R3HDM1: variants seen among roughly 807,000 people sequenced by gnomAD.
R3HDM1 encodes the protein R3H domain containing 1.
In R3HDM1, 46 loss-of-function variants were observed where a neutral mutation model predicts 141.1. The observed-to-expected ratio is 0.33, with a 90% CI of 0.26 to 0.42. R3HDM1 has a LOEUF of 0.42. Ranked by LOEUF, R3HDM1 falls within the 10% of genes least tolerant of loss-of-function variation. R3HDM1 has a pLI of 1.00. For missense variants in R3HDM1, 1,184 were observed against 1,368.3 expected (o/e 0.87, Z 2.12); for synonymous variants, 435 against 472.9 (o/e 0.92, Z 1.04).
intron 21 of R3HDM1, among the ~76,000 whole-genome samples, chr2:135,684,748 GT>G (rs1220893669): frequency 3.4e-5 from 5 of 147,282 alleles, no homozygotes; most frequent in Admixed American, 2.0e-4. Context: ...ATTCTCTTGC[GT>G]TTTTTTTTTC....
intron 1 of R3HDM1, among the ~76,000 whole-genome samples, chr2:135,572,168 G>A (rs113500273): frequency 0.023 from 3,487 of 152,196 alleles, 151 homozygotes; most frequent in African/African-American, 0.08. Context: ...GTGTTAGCCA[G>A]GCTGGTCTTA....
chr2:135,685,963 A>C (rs2071259638), intron 21 of R3HDM1, among the ~76,000 whole-genome samples: 1 of 152,226 alleles, frequency 6.6e-6, no homozygotes, highest in Non-Finnish European at 1.5e-5. Context: ...TCTGATATCC[A>C]AAATATTAAG....
chr2:135,706,775 C>T (rs561818599), intron 21 of R3HDM1, among the ~76,000 whole-genome samples: 2 of 152,330 alleles, frequency 1.3e-5, no homozygotes, highest in African/African-American at 2.4e-5. Context: ...CCATGTCTAC[C>T]TCTTTCTACA....
At chr2:135,663,874 C>G (rs2067096987) in intron 19 of R3HDM1, among the ~76,000 whole-genome samples, 1 of 151,684 alleles carries the variant, frequency 6.6e-6, no homozygotes, top group Non-Finnish European at 1.5e-5. Context: ...TTTAAAAATA[C>G]ACAAAAAAAA....
At chr2:135,659,685 G>A (rs555857043) in intron 18 of R3HDM1, among the ~76,000 whole-genome samples, 45 of 152,192 alleles carry the variant, frequency 3.0e-4, no homozygotes, top group African/African-American at 9.9e-4. Flanking sequence ...CGATCCTCCC[G>A]CCTCAGCCTC....
At chr2:135,554,866 C>T (rs1047280076) in intron 1 of R3HDM1, among the ~76,000 whole-genome samples, 2 of 152,156 alleles carry the variant, frequency 1.3e-5, no homozygotes, top group Non-Finnish European at 2.9e-5. Context: ...GTTGTTTAAG[C>T]TACCCAGTTT....
chr2:135,694,482 A>G (rs925416676), intron 21 of R3HDM1, among the ~76,000 whole-genome samples: 1 of 152,194 alleles, frequency 6.6e-6, no homozygotes, highest in South Asian at 2.1e-4. Flanking sequence ...ATGGAGTAAT[A>G]TAGACTGGAT....
In R3HDM1 at chr2:135,645,530, G is replaced by A; in HGVS notation, c.1623+3G>A. On this transcript the variant is annotated splice_donor_region_variant and intron_variant, in intron 16 of 26. Transcript: ENST00000683871. ...CAGCTAATCACATTTTCTCACAGGT[G>A]CACATATCCATGATTACATAATGCT... 1 of 1,613,248 alleles carries A rather than the reference G, an allele frequency of 6.2e-7. No individual in the cohort carries two copies. Among genetic ancestry groups the A allele is most frequent in the Non-Finnish European group, 8.5e-7 (1 of 1,179,650 alleles).
In R3HDM1 at chr2:135,578,974, A is replaced by G. The variant is rs77380562; in HGVS notation, c.-249-23526A>G. Among the ~76,000 whole-genome samples, 451 of 152,340 alleles carry G rather than the reference A, an allele frequency of 3.0e-3. 3 individuals are homozygous for G. The highest frequency in any genetic ancestry group is 0.01 in the African/African-American group (419 of 41,558). On this transcript the variant is annotated intron_variant, in intron 1 of 26. Transcript: ENST00000683871. Reference sequence around the variant, plus strand: ...ATATGATGTATGAATACAAAAATACATAATACAGATGTGTGAATATGTGTA... The same window carrying G: ...ATATGATGTATGAATACAAAAATACGTAATACAGATGTGTGAATATGTGTA...
intron 1 of R3HDM1, among the ~76,000 whole-genome samples, chr2:135,601,199 A>G (rs1003171118): frequency 6.6e-6 from 1 of 152,172 alleles, no homozygotes; most frequent in Admixed American, 6.5e-5. Context: ...GTGGAACTTA[A>G]TCATTTGATG....
intron 22 of R3HDM1, 101 bp from the exon 23 acceptor site, chr2:135,709,958 T>C (rs1400980086): frequency 8.0e-7 from 1 of 1,253,962 alleles, no homozygotes; most frequent in Admixed American, 2.4e-5. Context: ...TAGTAAAATT[T>C]TATTCAGAAA....
intron 5 of R3HDM1, chr2:135,620,585 G>GT: frequency 6.1e-6 from 6 of 981,962 alleles, no homozygotes; most frequent in Non-Finnish European, 6.0e-6. Context: ...TCCTATTGGG[G>GT]TAAAAAGTCT....
intron 21 of R3HDM1, among the ~76,000 whole-genome samples, chr2:135,705,763 T>C (rs1003343182): frequency 2.6e-5 from 4 of 152,166 alleles, no homozygotes; most frequent in Admixed American, 2.6e-4. Flanking sequence ...GAATAACTAA[T>C]TAACTGGAGA....
At chr2:135,641,030 G>A (rs1365187195) in intron 14 of R3HDM1, among the ~76,000 whole-genome samples, 2 of 152,138 alleles carry the variant, frequency 1.3e-5, no homozygotes, top group Admixed American at 1.3e-4. Context: ...TGAGAAATTA[G>A]ATTCTGCAAT....
intron 1 of R3HDM1, among the ~76,000 whole-genome samples, chr2:135,588,641 T>C (rs973627708): frequency 6.6e-6 from 1 of 152,140 alleles, no homozygotes; most frequent in Non-Finnish European, 1.5e-5. Flanking sequence ...ATTGAAGTCA[T>C]TATTTAAAAA....
intron 18 of R3HDM1, among the ~76,000 whole-genome samples, chr2:135,655,696 C>T (rs886799294): frequency 1.3e-5 from 2 of 151,766 alleles, no homozygotes; most frequent in Non-Finnish European, 1.5e-5. Flanking sequence ...TTAGTAGAGA[C>T]GGGGTTTCAC....
chr2:135,580,538 T>A (rs544198587), intron 1 of R3HDM1, among the ~76,000 whole-genome samples: 22 of 152,322 alleles, frequency 1.4e-4, no homozygotes, highest in African/African-American at 4.6e-4. Flanking sequence ...TACTCTCCCT[T>A]AGAGGACTCA....
At chr2:135,656,720 T>C (rs2065942017) in intron 18 of R3HDM1, 1 of 152,222 alleles carries the variant, frequency 6.6e-6, no homozygotes, top group African/African-American at 2.4e-5. Context: ...ATTCTCTCCG[T>C]CCTTTTGCTG....
chr2:135,670,177 T>G, intron 19 of R3HDM1: 8 of 284,570 alleles, frequency 2.8e-5, no homozygotes, highest in Non-Finnish European at 4.2e-5. Flanking sequence ...AAAGATTAGC[T>G]TGTGGTATCA....
Sources: gnomAD v4.1 joint callset for allele counts (sites outside exome capture counted in the v4.1 genomes callset) on GRCh38, gnomAD v4.1.1 for gene constraint, MANE v1.5 for transcripts, NCBI Gene and HGNC (gene_info 2026-07-23, HGNC 2026-07-21) for gene names.